ZBTB46: variants seen among roughly 807,000 people sequenced by gnomAD.
ZBTB46 encodes the protein zinc finger and BTB domain containing 46, also known as zinc finger and BTB domain-containing protein 46.
ZBTB46 carries 8 observed loss-of-function variants against 44.1 expected under a neutral mutation model. The observed-to-expected ratio is 0.18, with a 90% CI of 0.11 to 0.33. ZBTB46 has a LOEUF of 0.33. Among genes scored for constraint, ZBTB46 ranks in the 10% least tolerant of loss-of-function variants. The pLI is 1.00. For missense variants in ZBTB46, 651 were observed against 847.7 expected (o/e 0.77, Z 2.88); for synonymous variants, 409 against 382.3 (o/e 1.07, Z -0.81).
Position 63,790,017 on chromosome 20 carries a change from C to T in ZBTB46, c.741G>A (p.Lys247=). ...AGAAAGAGTTCTGTACTGCACCGTC[C>T]TTGGCAGAAGGCAGCTCGCTCCCTC... ...QYGGSELPSA[K]DGAVQNSFSE... is the part of the protein sequence containing the mutation. Residue 247 remains lysine (K), a synonymous_variant, in exon 2 of 5, where the codon AAG becomes AAA. Transcript: ENST00000245663. 6.2e-7 allele frequency: 1 copy of T among 1,614,042 alleles called. No homozygotes were observed. The highest frequency in any genetic ancestry group is 8.5e-7 in the Non-Finnish European group (1 of 1,179,950).
At chr20:63,796,887 A>G (rs953254726) in intron 1 of ZBTB46, among the ~76,000 whole-genome samples, 1 of 152,044 alleles carries the variant, frequency 6.6e-6, no homozygotes, top group Non-Finnish European at 1.5e-5. Context: ...GTAATCTAAC[A>G]GGCCAGGCAC....
chr20:63,772,589 C>T (rs967323084), intron 3 of ZBTB46, among the ~76,000 whole-genome samples: 1 of 152,040 alleles, frequency 6.6e-6, no homozygotes, highest in African/African-American at 2.4e-5. Flanking sequence ...TGTGGGGGCA[C>T]CCATCTGTAG....
intron 3 of ZBTB46, among the ~76,000 whole-genome samples, chr20:63,771,695 A>C (rs186373288): frequency 1.5e-3 from 235 of 151,984 alleles, no homozygotes; most frequent in Non-Finnish European, 2.6e-3. Context: ...TCCACGGTTT[A>C]CTCCCGCGCG....
chr20:63,790,872 C>A, intron 1 of ZBTB46, 82 bp from the exon 2 acceptor site: 1 of 1,444,246 alleles, frequency 6.9e-7, no homozygotes, highest in Non-Finnish European at 9.1e-7. Flanking sequence ...GCAGGAGGGC[C>A]ATGGGGCACA....
At chr20:63,780,054 T>C (rs67840723) in intron 2 of ZBTB46, among the ~76,000 whole-genome samples, 15,277 of 151,582 alleles carry the variant, frequency 0.1, 1,201 homozygotes, top group East Asian at 0.45. Flanking sequence ...GGGTGGATCA[T>C]GAAGTCAGGA....
intron 2 of ZBTB46, among the ~76,000 whole-genome samples, chr20:63,786,762 G>A (rs1294138583): frequency 3.9e-5 from 6 of 152,092 alleles, no homozygotes; most frequent in Non-Finnish European, 7.3e-5. Flanking sequence ...CGCCCGCCTT[G>A]GCCTCCCAAA....
At chr20:63,772,722 AACAC>A (rs67126549) in intron 3 of ZBTB46, among the ~76,000 whole-genome samples, 49 of 20,256 alleles carry the variant, frequency 2.4e-3, no homozygotes, top group East Asian at 2.6e-3. Context: ...CTGTCTCAAA[AACAC>A]ACACACACAC....
intron 1 of ZBTB46, among the ~76,000 whole-genome samples, chr20:63,819,360 G>A (rs907897728): frequency 6.6e-6 from 1 of 152,184 alleles, no homozygotes; most frequent in Non-Finnish European, 1.5e-5. Context: ...AGCGCATCCC[G>A]AAGAAGACGA....
At chr20:63,811,223 C>G (rs757763894) in intron 1 of ZBTB46, among the ~76,000 whole-genome samples, 2 of 151,990 alleles carry the variant, frequency 1.3e-5, no homozygotes, top group African/African-American at 4.8e-5. Flanking sequence ...GGTCCCAGAA[C>G]CCCACAGGAT....
intron 4 of ZBTB46, among the ~76,000 whole-genome samples, chr20:63,747,853 C>G (rs935102418): frequency 3.3e-5 from 5 of 152,180 alleles, no homozygotes; most frequent in African/African-American, 7.2e-5. Context: ...GGTTGACACA[C>G]TTCTCACGGG....
chr20:63,794,046 C>CCA (rs2092582044), intron 1 of ZBTB46, among the ~76,000 whole-genome samples: 1 of 151,876 alleles, frequency 6.6e-6, no homozygotes, highest in Non-Finnish European at 1.5e-5. Context: ...ATTTGCTGGG[C>CCA]GTGATGGCGA....
At position 63,767,374 on chromosome 20, in the gene ZBTB46, C is replaced by T. The variant is rs569201632; in HGVS notation, c.1222+8304G>A. Among the ~76,000 whole-genome samples the T allele has an allele frequency of 7.2e-5, 11 of 152,260 alleles. No individual in the cohort carries two copies. The highest frequency in any genetic ancestry group is 2.4e-4 in the African/African-American group (10 of 41,542). On this transcript the variant is annotated intron_variant, in intron 3 of 4. Transcript: ENST00000245663. This position sits in a 1 kb window ranked among gnomAD's most constrained non-coding sequence, Gnocchi z 5.0. ...AGGTCCACCCGCCCCAGCTGCCCAC[C>T]GGCTGGGCATGGAGATGCCTTCACC...
At chr20:63,757,629 C>T (rs1287506010) in intron 3 of ZBTB46, among the ~76,000 whole-genome samples, 1 of 152,182 alleles carries the variant, frequency 6.6e-6, no homozygotes, top group Non-Finnish European at 1.5e-5. Context: ...CTCCAGCTTT[C>T]TCCTTCCTTT....
chr20:63,803,349 T>G lies in ZBTB46; in HGVS notation c.-33-12559A>C. The G allele has an allele frequency of 5.1e-6, 5 of 985,440 alleles. No homozygotes were observed. Among genetic ancestry groups the G allele is most frequent in the Non-Finnish European group, 6.0e-6 (5 of 829,928 alleles). 61.0% of individuals were successfully genotyped at this position (985,440 alleles called of 1,614,324 possible). A position where few individuals can be genotyped will look rare whatever the true frequency, so the allele number is the denominator to read the frequency against. Reference sequence around the variant, plus strand: ...TACATCATATTACCATTGTTCGTGGTCGCATTTCAAAATTTTTAAGTGAGC... The same window carrying G: ...TACATCATATTACCATTGTTCGTGGGCGCATTTCAAAATTTTTAAGTGAGC... On this transcript the variant is annotated intron_variant, in intron 1 of 4. Transcript: ENST00000245663. The surrounding 1 kb of genome is among the most constrained non-coding windows in gnomAD (Gnocchi z 4.0).
chr20:63,829,394 T>C (rs2092836240), intron 1 of ZBTB46, among the ~76,000 whole-genome samples: 1 of 152,270 alleles, frequency 6.6e-6, no homozygotes, highest in African/African-American at 2.4e-5. Flanking sequence ...TAAATGCTTG[T>C]CCCCAGGCTG....
At chr20:63,812,041 A>G (rs2092720497) in intron 1 of ZBTB46, among the ~76,000 whole-genome samples, 1 of 152,220 alleles carries the variant, frequency 6.6e-6, no homozygotes, top group Non-Finnish European at 1.5e-5. Flanking sequence ...CTGACCCACC[A>G]AAGTGGCGGC....
At chr20:63,779,566 G>A (rs1382814840) in intron 2 of ZBTB46, among the ~76,000 whole-genome samples, 1 of 151,846 alleles carries the variant, frequency 6.6e-6, no homozygotes, top group African/African-American at 2.4e-5. Context: ...ACTACAGGGC[G>A]CCTGCCACCA....
chr20:63,828,862 T>C (rs907365995), intron 1 of ZBTB46, among the ~76,000 whole-genome samples: 5 of 152,220 alleles, frequency 3.3e-5, no homozygotes. Context: ...TCCAGGGCTC[T>C]GAGAGGCCGG....
intron 4 of ZBTB46, among the ~76,000 whole-genome samples, chr20:63,751,941 G>T (rs886708393): frequency 2.6e-5 from 4 of 152,102 alleles, no homozygotes; most frequent in Non-Finnish European, 4.4e-5. Flanking sequence ...AACTGGCAGC[G>T]ATGCTCCAGA....
Sources: allele counts gnomAD v4.1 joint callset (sites outside exome capture counted in the v4.1 genomes callset), GRCh38; gene constraint gnomAD v4.1.1; non-coding constraint Gnocchi (gnomAD v3.1); transcripts MANE v1.5; gene names NCBI Gene and HGNC (gene_info 2026-07-23, HGNC 2026-07-21).